The following CDC73 variants were observed in gnomAD, a reference collection of about 807,000 sequenced individuals.
The protein encoded by CDC73 is cell division cycle 73.
In CDC73, 21 loss-of-function variants were observed where a neutral mutation model predicts 83.7. That is an observed-to-expected ratio of 0.25 (90% confidence interval 0.18 to 0.36). The LOEUF is 0.36. Among genes scored for constraint, CDC73 ranks in the 10% least tolerant of loss-of-function variants. The pLI is 1.00. For synonymous variants in CDC73, 224 were observed against 212.9 expected (o/e 1.05, Z -0.45); for missense variants, 342 against 653.3 (o/e 0.52, Z 5.19).
chr1:193,207,527 C>G (rs771159434), intron 11 of CDC73, among the ~76,000 whole-genome samples: 2 of 152,256 alleles, frequency 1.3e-5, no homozygotes, highest in East Asian at 3.9e-4. Flanking sequence ...ATAGACCTCC[C>G]CCCAGAAATG....
At chr1:193,157,915 A>G (rs1360934162) in intron 10 of CDC73, among the ~76,000 whole-genome samples, 1 of 151,804 alleles carries the variant, frequency 6.6e-6, no homozygotes, top group East Asian at 1.9e-4. Context: ...ATATAATAGA[A>G]CTTACATCAT....
At chr1:193,231,548 G>A (rs1677663179) in intron 13 of CDC73, among the ~76,000 whole-genome samples, 1 of 152,056 alleles carries the variant, frequency 6.6e-6, no homozygotes, top group Non-Finnish European at 1.5e-5. Context: ...CAAAGTATTA[G>A]TACTGTCTGG....
intron 10 of CDC73, chr1:193,179,408 A>G (rs1392687240): frequency 1.3e-5 from 2 of 152,618 alleles, no homozygotes; most frequent in Non-Finnish European, 2.9e-5. Flanking sequence ...TTGTGCCTTT[A>G]AGTGATTACT....
At chr1:193,123,192 G>T (rs1675496650) in intron 1 of CDC73, among the ~76,000 whole-genome samples, 1 of 152,056 alleles carries the variant, frequency 6.6e-6, no homozygotes, top group South Asian at 2.1e-4. Flanking sequence ...ATGAAGAGTC[G>T]ATGAAAAACT....
intron 3 of CDC73, among the ~76,000 whole-genome samples, chr1:193,132,208 T>C (rs954554133): frequency 6.6e-6 from 1 of 152,246 alleles, no homozygotes; most frequent in Non-Finnish European, 1.5e-5. Context: ...GTAAGATTGA[T>C]TTCCACAGAG....
chr1:193,160,328 ATAAAT>A (rs1379513815), intron 10 of CDC73, among the ~76,000 whole-genome samples: 1 of 152,162 alleles, frequency 6.6e-6, no homozygotes, highest in African/African-American at 2.4e-5. Flanking sequence ...ATTTTTAGTA[ATAAAT>A]TTAACATCAC....
chr1:193,127,773 C>T (rs2103115901), intron 2 of CDC73: 1 of 151,208 alleles, frequency 6.6e-6, no homozygotes, highest in Middle Eastern at 3.5e-3. Context: ...ATTGTTGTCT[C>T]CTAATTACTT....
At chr1:193,213,803 T>C (rs961082359) in intron 13 of CDC73, among the ~76,000 whole-genome samples, 2 of 152,198 alleles carry the variant, frequency 1.3e-5, no homozygotes, top group Non-Finnish European at 2.9e-5. Flanking sequence ...AGTGATTTTG[T>C]GATTGCTTTG....
chr1:193,213,338 C>T (rs868350415), intron 13 of CDC73, among the ~76,000 whole-genome samples: 1 of 149,298 alleles, frequency 6.7e-6, no homozygotes, highest in Non-Finnish European at 1.5e-5. Context: ...GTTTTTTAGA[C>T]ACAGTGTTGC....
At chr1:193,132,380 A>G (rs977073655) in intron 3 of CDC73, among the ~76,000 whole-genome samples, 1 of 152,246 alleles carries the variant, frequency 6.6e-6, no homozygotes, top group African/African-American at 2.4e-5. Context: ...GTTTACTGTC[A>G]TGCAAGGGAG....
intron 10 of CDC73, among the ~76,000 whole-genome samples, chr1:193,197,983 T>C (rs1206597377): frequency 6.6e-6 from 1 of 152,080 alleles, no homozygotes; most frequent in Non-Finnish European, 1.5e-5. Flanking sequence ...TTTAATTCTC[T>C]TAATAATCCT....
intron 2 of CDC73, among the ~76,000 whole-genome samples, chr1:193,126,080 G>C (rs1675567389): frequency 2.0e-5 from 3 of 152,136 alleles, no homozygotes; most frequent in African/African-American, 7.2e-5. Context: ...GGGCAACATA[G>C]TGAGATGCCA....
rs142050739 is a variant in CDC73 at position 193,240,474 on chromosome 1, C to T, written c.1417+4118C>T. 6.6e-5 allele frequency among the ~76,000 whole-genome samples: 10 copies of T among 152,282 alleles called. No individual in the cohort carries two copies. The East Asian group carries it at 1.7e-3, about 26-fold the overall frequency. On this transcript the variant is annotated intron_variant, in intron 15 of 16. Transcript: ENST00000367435. ...GTGGCTCTACTAACTTATATTTCCA[C>T]CAACAGTGTAGGAGTTCCCTTTTCT...
chr1:193,143,508 A>G (rs1365435027), intron 7 of CDC73, among the ~76,000 whole-genome samples: 1 of 152,240 alleles, frequency 6.6e-6, no homozygotes, highest in African/African-American at 2.4e-5. Flanking sequence ...GGATTGTACC[A>G]TCATTTCTAA....
At chr1:193,153,199 A>G (rs747393545) in intron 10 of CDC73, among the ~76,000 whole-genome samples, 6 of 152,180 alleles carry the variant, frequency 3.9e-5, no homozygotes, top group Non-Finnish European at 7.4e-5. Context: ...GTTCATGTTT[A>G]GCAAACTTTC....
At chr1:193,200,117 T>C (rs1553286755) in intron 10 of CDC73, among the ~76,000 whole-genome samples, 1 of 150,948 alleles carries the variant, frequency 6.6e-6, no homozygotes, top group Non-Finnish European at 1.5e-5. Flanking sequence ...GGTGCGTGCC[T>C]GGAGGCTGAG....
At position 193,220,087 on chromosome 1, in the gene CDC73, C is replaced by A. The variant is rs142804717; in HGVS notation, c.1154+7610C>A. On this transcript the variant is annotated intron_variant, in intron 13 of 16. Transcript: ENST00000367435. ...ATCACTGGGAAACAGTTTTATTCAG[C>A]AACATAATAAATACCCAGAAGGGGA... Among the ~76,000 whole-genome samples the A allele has an allele frequency of 9.5e-3, 1,438 of 150,854 alleles. 15 individuals are homozygous for A. The highest frequency in any genetic ancestry group is 0.034 in the South Asian group (162 of 4,796).
chr1:193,180,760 T>G (rs1409964832), intron 10 of CDC73: 2 of 1,613,988 alleles, frequency 1.2e-6, no homozygotes, highest in East Asian at 4.5e-5. Context: ...CAGATCTGGC[T>G]TCAGTAACTT....
intron 7 of CDC73, among the ~76,000 whole-genome samples, chr1:193,143,375 A>G (rs1675939410): frequency 6.6e-6 from 1 of 152,184 alleles, no homozygotes; most frequent in African/African-American, 2.4e-5. Flanking sequence ...TCATTAAAAT[A>G]AAAAAATCTC....
Sources: allele counts gnomAD v4.1 joint callset (sites outside exome capture counted in the v4.1 genomes callset), GRCh38; gene constraint gnomAD v4.1.1; transcripts MANE v1.5; gene names NCBI Gene and HGNC (gene_info 2026-07-23, HGNC 2026-07-21).